PPP1R10: variants seen among roughly 807,000 people sequenced by gnomAD.
PPP1R10 encodes protein phosphatase 1 regulatory subunit 10, also known as serine/threonine-protein phosphatase 1 regulatory subunit 10.
PPP1R10 carries 15 observed loss-of-function variants against 99.0 expected under a neutral mutation model. The observed-to-expected ratio is 0.15, with a 90% CI of 0.10 to 0.23. PPP1R10 has a LOEUF of 0.23. PPP1R10 is among the 10% of genes least tolerant of loss of function. The pLI is 1.00. For synonymous variants in PPP1R10, 430 were observed against 449.5 expected (o/e 0.96, Z 0.55); for missense variants, 947 against 1,259.4 (o/e 0.75, Z 3.75).
At chr6:30,616,261 TGCA>T (rs1209614790) in intron 2 of PPP1R10, among the ~76,000 whole-genome samples, 2 of 152,210 alleles carry the variant, frequency 1.3e-5, no homozygotes, top group African/African-American at 4.8e-5. Context: ...TCTCTTTGCC[TGCA>T]GCAAGGCAGG....
rs199715438 is a variant in PPP1R10, at chr6:30,607,904, G to A, written c.331-13C>T. 22 of 1,612,616 alleles carry A rather than the reference G, an allele frequency of 1.4e-5. No individual in the cohort carries two copies. Among genetic ancestry groups the A allele is most frequent in the Non-Finnish European group, 1.9e-5 (22 of 1,179,840 alleles). ...TAGCTGTGTTGTTCTATGAGAGATG[G>A]GAGCAGCAGAAAGGTAAATGCCAGG... On this transcript the variant is annotated splice_polypyrimidine_tract_variant and intron_variant, in intron 5 of 19. Transcript: ENST00000376511.
intron 2 of PPP1R10, among the ~76,000 whole-genome samples, chr6:30,613,936 A>G (rs1804812037): frequency 6.6e-6 from 1 of 152,224 alleles, no homozygotes; most frequent in South Asian, 2.1e-4. Context: ...CCAATCCAGA[A>G]GCTTAAGTAA....
At position 30,612,981 on chromosome 6, in the gene PPP1R10, A is replaced by G. The variant is rs190755679; in HGVS notation, c.-11-3026T>C. Among the ~76,000 whole-genome samples, 566 of 152,168 alleles carry G rather than the reference A, an allele frequency of 3.7e-3. 1 individual carries two copies. Among genetic ancestry groups the G allele is most frequent in the African/African-American group, 0.012 (488 of 41,508 alleles). On this transcript the variant is annotated intron_variant, in intron 2 of 19. Transcript: ENST00000376511. ...TTATGTCTTCTTTTAATGAGCTGCTATTTTCTTGACTGCAGAACATACAGA... is the reference window on the plus strand; with the variant it reads ...TTATGTCTTCTTTTAATGAGCTGCTGTTTTCTTGACTGCAGAACATACAGA...
chr6:30,601,555 CA>C lies in PPP1R10; in HGVS notation c.2816del (p.Leu939ArgfsTer109), dbSNP rs1803315997. 1 of 1,613,640 alleles carries C rather than the reference CA, an allele frequency of 6.2e-7. No homozygotes were observed. On this transcript the variant is annotated frameshift_variant, in exon 20 of 20. Transcript: ENST00000376511. LOFTEE classifies it high-confidence loss of function. ...CAGGGCAGGCAAATGGTCCCTAGGGCAGGGGGGGCCCATTGACACCCGGGTG... is the reference window on the plus strand; with the variant it reads ...CAGGGCAGGCAAATGGTCCCTAGGGCGGGGGGGCCCATTGACACCCGGGTG... ...FYHPGVNGPPLP is the reference protein window; with the variant it reads ...FYHPGVNGPPXP
chr6:30,601,446 A>G lies in PPP1R10; in HGVS notation c.*103T>C. 1.0e-6 allele frequency: 1 copy of G among 995,130 alleles called. No individual in the cohort carries two copies. The highest frequency in any genetic ancestry group is 1.5e-5 in the South Asian group (1 of 65,594). The allele number at this position is 995,130 out of a possible 1,614,324, so 61.6% of individuals were successfully genotyped here. On this transcript the variant is annotated 3_prime_UTR_variant, in exon 20 of 20. Coordinates refer to ENST00000376511, the MANE Select transcript of PPP1R10 (RefSeq NM_002714.4). ...GAACTGAGGGGGCCGGCTCCTCATC[A>G]GCTGGGGAAAAGGGAAAATGGGCCT...
At position 30,604,684 on chromosome 6, in the gene PPP1R10, A is replaced by T. The variant is rs760702506; in HGVS notation, c.1006T>A (p.Ser336Thr). ...GAAGGTGGTGCTGGTTCTGGGGAAG[A>T]AGGTTTGGCTGTGCTTGGTTCTGTG... ...TSTEPSTAKP[S>T]SPEPAPPSEA... Residue 336 changes from serine to threonine, a missense_variant, in exon 12 of 20, where the codon TCT becomes ACT. By Grantham distance (58) the Ser-to-Thr change is moderately conservative. This residue lies in a region of PPP1R10 where 100 missense variants were observed against 105.8 expected (regional missense o/e 0.94). Transcript: ENST00000376511. This position sits in a 1 kb window ranked among gnomAD's most constrained non-coding sequence, Gnocchi z 7.3. 6.2e-7 allele frequency: 1 copy of T among 1,613,002 alleles called. No individual in the cohort carries two copies. The highest frequency in any genetic ancestry group is 8.5e-7 in the Non-Finnish European group (1 of 1,180,044).
In PPP1R10 at chr6:30,609,328, A is replaced by G. The variant is rs577051112; in HGVS notation, c.108-165T>C. 2.9e-4 allele frequency among the ~76,000 whole-genome samples: 44 copies of G among 152,306 alleles called. No individual in the cohort carries two copies. The highest frequency in any genetic ancestry group is 5.4e-4 in the Non-Finnish European group (37 of 68,020). ...GAAGATGGGATGGATCCAGTGTGAC[A>G]TGGAAACTTATGGGAGAACAGAGAC... On this transcript the variant is annotated intron_variant, in intron 3 of 19. Coordinates refer to ENST00000376511, the MANE Select transcript of PPP1R10 (RefSeq NM_002714.4). The surrounding 1 kb of genome is among the most constrained non-coding windows in gnomAD (Gnocchi z 4.5).
Position 30,603,599 on chromosome 6 carries a change from T to G in PPP1R10, c.1640A>C (p.Asp547Ala), listed in dbSNP as rs771234591. 1 of 1,613,878 alleles carries G rather than the reference T, an allele frequency of 6.2e-7. No homozygotes were observed. The highest frequency in any genetic ancestry group is 8.5e-7 in the Non-Finnish European group (1 of 1,179,926). Residue 547 changes from aspartate to alanine, a missense_variant, in exon 16 of 20, where the codon GAT becomes GCT. Transcript: ENST00000376511. ...LEPGGSGGSP[D>A]GAGGSKLPPV... Reference sequence around the variant, plus strand: ...AGGCAACTTGGAGCCTCCTGCCCCATCAGGTGAGCCACCTGACCCCCCAGG... The same window carrying G: ...AGGCAACTTGGAGCCTCCTGCCCCAGCAGGTGAGCCACCTGACCCCCCAGG...
At position 30,604,873 on chromosome 6, in the gene PPP1R10, A is replaced by G; in HGVS notation, c.954+121T>C. 1 of 1,508,514 alleles carries G rather than the reference A, an allele frequency of 6.6e-7. No homozygotes were observed. The highest frequency in any genetic ancestry group is 9.2e-7 in the Non-Finnish European group (1 of 1,086,408). The allele number at this position is 1,508,514 out of a possible 1,614,324, so 93.4% of individuals were successfully genotyped here. A position where few individuals can be genotyped will look rare whatever the true frequency, so the allele number is the denominator to read the frequency against. ...GTCTCCACAATGTCTCACCTGCACCAGTCTATATCCAAGGCAAAACGCCTC... is the reference window on the plus strand; with the variant it reads ...GTCTCCACAATGTCTCACCTGCACCGGTCTATATCCAAGGCAAAACGCCTC... On this transcript the variant is annotated intron_variant, in intron 11 of 19. Coordinates refer to ENST00000376511, the MANE Select transcript of PPP1R10 (RefSeq NM_002714.4). The surrounding 1 kb of genome is among the most constrained non-coding windows in gnomAD (Gnocchi z 7.3).
rs1251547785 is a variant in PPP1R10 at position 30,604,442 on chromosome 6, C to T, written c.1172G>A (p.Arg391Gln). The T allele has an allele frequency of 2.5e-6, 4 of 1,613,246 alleles. No individual in the cohort carries two copies. The highest frequency in any genetic ancestry group is 2.2e-5 in the South Asian group (2 of 91,082). ...ESPGDPNQLT[R>Q]KGRKRKSVTW... ...CACACTTTTCCTCTTCCTGCCTTTCCGGGTCAGTTGGTTAGGATCTCCAGG... is the reference window on the plus strand; with the variant it reads ...CACACTTTTCCTCTTCCTGCCTTTCTGGGTCAGTTGGTTAGGATCTCCAGG... The change falls in exon 13 of 20, where the codon CGG (arginine) becomes CAG (glutamine). Residue 391 changes from arginine to glutamine, a missense_variant. By Grantham distance (43) the Arg-to-Gln change is conservative. Coordinates refer to ENST00000376511, the MANE Select transcript of PPP1R10 (RefSeq NM_002714.4). This position sits in a 1 kb window ranked among gnomAD's most constrained non-coding sequence, Gnocchi z 7.3.
In PPP1R10 at chr6:30,609,109, G is replaced by A; in HGVS notation, c.162C>T (p.Leu54=). 3 of 1,613,840 alleles carry A rather than the reference G, an allele frequency of 1.9e-6. No individual in the cohort carries two copies. Among genetic ancestry groups the A allele is most frequent in the Non-Finnish European group, 2.5e-6 (3 of 1,180,034 alleles). The part of the protein sequence containing the change: ...MVSRCTYLNI[L]LQTRSPEILV... ...ATATTTCTGGTGAACGGGTCTGCAGGAGAATGTTCAAGTAAGTGCATCGAC... is the reference window on the plus strand; with the variant it reads ...ATATTTCTGGTGAACGGGTCTGCAGAAGAATGTTCAAGTAAGTGCATCGAC... The change falls in exon 4 of 20, where the codon CTC becomes CTT. Residue 54 remains leucine (L), a synonymous_variant. Coordinates refer to ENST00000376511, the MANE Select transcript of PPP1R10 (RefSeq NM_002714.4). The surrounding 1 kb of genome is among the most constrained non-coding windows in gnomAD (Gnocchi z 4.5).
At chr6:30,601,859 G>C in intron 19 of PPP1R10, 77 bp downstream of exon 19, 1 of 1,441,048 alleles carries the variant, frequency 6.9e-7, no homozygotes, top group Non-Finnish European at 9.1e-7. Context: ...GCTACCAACA[G>C]TAGTGACTCT....
chr6:30,611,502 G>A (rs1561847973), intron 2 of PPP1R10, among the ~76,000 whole-genome samples: 1 of 152,190 alleles, frequency 6.6e-6, no homozygotes, highest in South Asian at 2.1e-4. Context: ...AAGATGAGTA[G>A]TTTTGTGCCG....
intron 2 of PPP1R10, among the ~76,000 whole-genome samples, chr6:30,612,218 G>C (rs1327077782): frequency 1.3e-5 from 2 of 152,140 alleles, no homozygotes; most frequent in Admixed American, 6.5e-5. Flanking sequence ...AGTTACCCTT[G>C]ACTGATTCAA....
At chr6:30,613,918 C>T (rs1804810239) in intron 2 of PPP1R10, among the ~76,000 whole-genome samples, 1 of 152,058 alleles carries the variant, frequency 6.6e-6, no homozygotes, top group Admixed American at 6.6e-5. Flanking sequence ...GTGAAGAGTC[C>T]CTCCCATCCA....
At position 30,601,288 on chromosome 6, in the gene PPP1R10, A is replaced by G; in HGVS notation, c.*261T>C. 2 of 515,938 alleles carry G rather than the reference A, an allele frequency of 3.9e-6. No homozygotes were observed. The highest frequency in any genetic ancestry group is 6.1e-5 in the East Asian group (2 of 32,590). The allele number at this position is 515,938 out of a possible 1,614,324, so 32.0% of individuals were successfully genotyped here. A position where few individuals can be genotyped will look rare whatever the true frequency, so the allele number is the denominator to read the frequency against. The stretch of plus-strand genomic sequence containing the variant: ...GGGGTACAGGGCGAATCTTCTCAAA[A>G]AGTGAAGCCAACTGGGTCTCCTCTT... On this transcript the variant is annotated 3_prime_UTR_variant, in exon 20 of 20. Transcript: ENST00000376511.
chr6:30,603,295 T>C lies in PPP1R10; in HGVS notation c.1768-10A>G. The C allele has an allele frequency of 5.6e-6, 9 of 1,608,822 alleles. No individual in the cohort carries two copies. Among genetic ancestry groups the C allele is most frequent in the Non-Finnish European group, 7.7e-6 (9 of 1,175,214 alleles). ...GACTGTTTGGGCTACCCTGTGAGGA[T>C]GTAAGAAGGCAAAGTCAACAGACAG... On this transcript the variant is annotated splice_polypyrimidine_tract_variant and intron_variant, in intron 16 of 19. Transcript: ENST00000376511.
Position 30,609,210 on chromosome 6 carries a change from T to C in PPP1R10, c.108-47A>G. 6.3e-7 allele frequency: 1 copy of C among 1,587,980 alleles called. No individual in the cohort carries two copies. The highest frequency in any genetic ancestry group is 8.6e-7 in the Non-Finnish European group (1 of 1,157,702). On this transcript the variant is annotated intron_variant, in intron 3 of 19. Coordinates refer to ENST00000376511, the MANE Select transcript of PPP1R10 (RefSeq NM_002714.4). The surrounding 1 kb of genome is among the most constrained non-coding windows in gnomAD (Gnocchi z 4.5). The stretch of plus-strand genomic sequence containing the variant: ...TAGAAATGAAGCAGCCAGTATCTCT[T>C]CTCTTAGCAAAAGCGCCTCTCTGTG...
At chr6:30,608,741 C>G in intron 5 of PPP1R10, 38 bp downstream of exon 5, 2 of 1,602,486 alleles carry the variant, frequency 1.2e-6, no homozygotes, top group East Asian at 2.2e-5. Flanking sequence ...TAGACTAAAC[C>G]AAAAAAGGAA....
Sources: allele counts gnomAD v4.1 joint callset (sites outside exome capture counted in the v4.1 genomes callset), GRCh38; gene constraint gnomAD v4.1.1; regional missense constraint gnomAD v4.1.1; non-coding constraint Gnocchi (gnomAD v3.1); transcripts MANE v1.5; gene names NCBI Gene and HGNC (gene_info 2026-07-23, HGNC 2026-07-21).